The following UBE2E3 variants were observed in gnomAD, a reference collection of about 807,000 sequenced individuals.
UBE2E3 encodes ubiquitin-conjugating enzyme E2 E3.
Under a neutral mutation model 23.6 loss-of-function variants are expected in UBE2E3, and 5 were observed. The ratio of observed to expected loss-of-function variants is 0.21; its 90% CI spans 0.11 to 0.44. UBE2E3 has a LOEUF of 0.44. Among genes scored for constraint, UBE2E3 ranks in the 20% least tolerant of loss-of-function variants. The pLI is 0.99. For missense variants in UBE2E3, 81 were observed against 249.8 expected (o/e 0.32, Z 4.55); for synonymous variants, 78 against 87.5 (o/e 0.89, Z 0.60).
intron 3 of UBE2E3, among the ~76,000 whole-genome samples, chr2:181,034,543 GGGAGAGATAGCATTA>G (rs1350412253): frequency 2.0e-5 from 3 of 152,174 alleles, no homozygotes; most frequent in African/African-American, 7.2e-5. Context: ...GGGGGGAGCG[GGGAGAGATAGCATTA>G]GGAGATACAC....
chr2:181,063,069 T>C lies in UBE2E3; in HGVS notation c.*181T>C. On this transcript the variant is annotated 3_prime_UTR_variant, in exon 6 of 6. Coordinates refer to ENST00000410062, the MANE Select transcript of UBE2E3 (RefSeq NM_006357.4). This position sits in a 1 kb window ranked among gnomAD's most constrained non-coding sequence, Gnocchi z 4.1. ...AAATGCTATCAAGAGTAGAACTTTG[T>C]AGCTGTAGATTAGTTATGTTTAAAA... is the stretch of plus-strand genomic sequence containing the variant. 1 of 378,596 alleles carries C rather than the reference T, an allele frequency of 2.6e-6. No individual in the cohort carries two copies. Among genetic ancestry groups the C allele is most frequent in the Non-Finnish European group, 5.0e-6 (1 of 201,978 alleles). 23.5% of individuals were successfully genotyped at this position (378,596 alleles called of 1,614,324 possible).
chr2:181,012,145 C>T (rs1237152973), intron 3 of UBE2E3, among the ~76,000 whole-genome samples: 1 of 152,150 alleles, frequency 6.6e-6, no homozygotes, highest in African/African-American at 2.4e-5. Context: ...GTTTTTGTCA[C>T]TTGTGATGAC....
intron 3 of UBE2E3, among the ~76,000 whole-genome samples, chr2:181,039,678 A>G (rs1686420304): frequency 6.6e-6 from 1 of 152,200 alleles, no homozygotes. Context: ...TGCAAAGTCG[A>G]AAAATTCATC....
intron 2 of UBE2E3, 123 bp downstream of exon 2, chr2:180,982,359 T>G: frequency 1.2e-6 from 1 of 856,978 alleles, no homozygotes; most frequent in East Asian, 2.5e-5. Context: ...TCAGTTTAAT[T>G]GTACTTGAAT....
At chr2:180,988,964 G>C (rs1460996090) in intron 3 of UBE2E3, among the ~76,000 whole-genome samples, 1 of 151,932 alleles carries the variant, frequency 6.6e-6, no homozygotes, top group African/African-American at 2.4e-5. Flanking sequence ...TTGGAAGCTC[G>C]ACTGTAAAAC....
At chr2:181,027,900 A>T (rs1402315817) in intron 3 of UBE2E3, among the ~76,000 whole-genome samples, 1 of 151,996 alleles carries the variant, frequency 6.6e-6, no homozygotes, top group Non-Finnish European at 1.5e-5. Context: ...AAAAGAATAC[A>T]TGTAACATTT....
At chr2:181,023,543 C>T (rs1214848904) in intron 3 of UBE2E3, among the ~76,000 whole-genome samples, 2 of 152,128 alleles carry the variant, frequency 1.3e-5, no homozygotes, top group Non-Finnish European at 2.9e-5. Flanking sequence ...CAGAGGAATT[C>T]GGCCAGTGTG....
chr2:181,047,555 GA>G (rs1292982969), intron 3 of UBE2E3, among the ~76,000 whole-genome samples: 2 of 152,028 alleles, frequency 1.3e-5, no homozygotes, highest in Non-Finnish European at 2.9e-5. Context: ...ATAGCAGTCT[GA>G]AAACTATAAG....
At chr2:180,993,388 G>A (rs1321024700) in intron 3 of UBE2E3, among the ~76,000 whole-genome samples, 3 of 152,088 alleles carry the variant, frequency 2.0e-5, no homozygotes, top group Admixed American at 2.0e-4. Context: ...TTTTTTTGCT[G>A]CTTTAGTGTT....
intron 3 of UBE2E3, among the ~76,000 whole-genome samples, chr2:181,013,727 A>G (rs907789875): frequency 1.3e-5 from 2 of 152,102 alleles, no homozygotes; most frequent in African/African-American, 4.8e-5. Flanking sequence ...TGAAATCCTC[A>G]TTACTTTTTT....
intron 3 of UBE2E3, among the ~76,000 whole-genome samples, chr2:180,995,957 T>G (rs976574066): frequency 3.9e-5 from 6 of 152,100 alleles, no homozygotes; most frequent in Non-Finnish European, 8.8e-5. Flanking sequence ...ATGTGCTTAA[T>G]TTTTTTGTCT....
intron 3 of UBE2E3, among the ~76,000 whole-genome samples, chr2:181,046,865 A>G (rs1181651346): frequency 1.3e-5 from 2 of 152,122 alleles, no homozygotes; most frequent in Non-Finnish European, 2.9e-5. Flanking sequence ...TGCTTCAGCC[A>G]TAGCCCCAGT....
intron 3 of UBE2E3, among the ~76,000 whole-genome samples, chr2:180,997,468 C>G (rs956306586): frequency 1.2e-4 from 18 of 152,100 alleles, no homozygotes; most frequent in Non-Finnish European, 1.5e-4. Flanking sequence ...TTCTTTCTCC[C>G]ACTCTCCTTA....
intron 3 of UBE2E3, among the ~76,000 whole-genome samples, chr2:181,031,026 T>A (rs943641248): frequency 2.6e-5 from 4 of 152,178 alleles, no homozygotes; most frequent in Non-Finnish European, 5.9e-5. Context: ...TTTTTGTAAT[T>A]TTTTAGATTG....
At chr2:180,998,838 G>A (rs974842177) in intron 3 of UBE2E3, among the ~76,000 whole-genome samples, 1 of 152,146 alleles carries the variant, frequency 6.6e-6, no homozygotes, top group Non-Finnish European at 1.5e-5. Flanking sequence ...GTCAACGGCA[G>A]TTCCTTCAGA....
chr2:181,030,853 C>T (rs1686055111), intron 3 of UBE2E3, among the ~76,000 whole-genome samples: 2 of 151,990 alleles, frequency 1.3e-5, no homozygotes, highest in Non-Finnish European at 2.9e-5. Flanking sequence ...TCTGTCTTCT[C>T]TCTGTCTTGT....
chr2:180,990,090 G>A (rs1574158212), intron 3 of UBE2E3: 9 of 1,090,242 alleles, frequency 8.3e-6, no homozygotes, highest in Admixed American at 2.8e-5. Context: ...TCTGGAAGCT[G>A]AAACATCTTC....
At chr2:181,014,127 C>A (rs925028458) in intron 3 of UBE2E3, among the ~76,000 whole-genome samples, 1 of 152,088 alleles carries the variant, frequency 6.6e-6, no homozygotes, top group Non-Finnish European at 1.5e-5. Flanking sequence ...ATGTTTCTGA[C>A]GTAAGTATTA....
intron 3 of UBE2E3, among the ~76,000 whole-genome samples, chr2:181,035,583 G>A (rs1429277263): frequency 6.6e-6 from 1 of 152,100 alleles, no homozygotes; most frequent in Non-Finnish European, 1.5e-5. Context: ...ATGATACATA[G>A]CAAGCTTGTT....
Sources: allele counts gnomAD v4.1 joint callset (sites outside exome capture counted in the v4.1 genomes callset), GRCh38; gene constraint gnomAD v4.1.1; non-coding constraint Gnocchi (gnomAD v3.1); transcripts MANE v1.5; gene names NCBI Gene and HGNC (gene_info 2026-07-23, HGNC 2026-07-21).